The following PRKAG2 variants were observed in gnomAD, a reference collection of about 807,000 sequenced individuals.
PRKAG2 encodes the protein protein kinase AMP-activated non-catalytic subunit gamma 2, also known as 5'-AMP-activated protein kinase subunit gamma-2.
In PRKAG2, 26 loss-of-function variants were observed where a neutral mutation model predicts 69.6. That is an observed-to-expected ratio of 0.37 (90% CI 0.27 to 0.52). The LOEUF is 0.52. Ranked by LOEUF, PRKAG2 falls within the 20% of genes least tolerant of loss-of-function variation. The pLI, the probability that PRKAG2 is intolerant of heterozygous loss-of-function variation, is 0.90. For missense variants in PRKAG2, 557 were observed against 740.0 expected (o/e 0.75, Z 2.87); for synonymous variants, 293 against 285.0 (o/e 1.03, Z -0.28).
intron 5 of PRKAG2, among the ~76,000 whole-genome samples, chr7:151,611,304 G>A (rs1007690296): frequency 6.6e-6 from 1 of 152,154 alleles, no homozygotes; most frequent in Non-Finnish European, 1.5e-5. Flanking sequence ...CCCATTATGC[G>A]AAGATTTTGT....
chr7:151,605,936 C>CAAAAAAAAAAAAAAAAAAAAAAAAAA lies in PRKAG2; in HGVS notation c.755-10483_755-10482insTTTTTTTTTTTTTTTTTTTTTTTTTT, dbSNP rs560080587. 1.3e-4 allele frequency among the ~76,000 whole-genome samples: 12 copies of CAAAAAAAAAAAAAAAAAAAAAAAAAA among 91,048 alleles called. 1 individual carries two copies. Among genetic ancestry groups the CAAAAAAAAAAAAAAAAAAAAAAAAAA allele is most frequent in the African/African-American group, 3.9e-4 (10 of 25,880 alleles). The allele number at this position is 91,048 out of a possible 152,430, so 59.7% of individuals were successfully genotyped here. A position where few individuals can be genotyped will look rare whatever the true frequency, so the allele number is the denominator to read the frequency against. On this transcript the variant is annotated intron_variant, in intron 5 of 15. Transcript: ENST00000287878. ...CTGGCGACAGAGCGAGACTCCGTCT[C>CAAAAAAAAAAAAAAAAAAAAAAAAAA]AAAAAAAAAAAAAAAAAAAAGAATT...
intron 3 of PRKAG2, among the ~76,000 whole-genome samples, chr7:151,700,822 G>T (rs886314041): frequency 1.5e-4 from 23 of 152,160 alleles, no homozygotes; most frequent in African/African-American, 4.6e-4. Flanking sequence ...GGGGGAGCCT[G>T]GCCTTGTGCC....
At position 151,828,260 on chromosome 7, in the gene PRKAG2, T is replaced by C. The variant is rs901412194; in HGVS notation, c.115-41719A>G. 1.3e-5 allele frequency among the ~76,000 whole-genome samples: 2 copies of C among 152,208 alleles called. No homozygotes were observed. The highest frequency in any genetic ancestry group is 2.9e-5 in the Non-Finnish European group (2 of 68,030). ...AGATAGGTCCCTGGTCACAGTGGCA[T>C]TCTGGGGGTTTTCAGAGAGTCCTGT... On this transcript the variant is annotated intron_variant, in intron 1 of 15. Transcript: ENST00000287878. The surrounding 1 kb of genome is among the most constrained non-coding windows in gnomAD (Gnocchi z 4.6).
intron 1 of PRKAG2, among the ~76,000 whole-genome samples, chr7:151,787,912 A>C (rs1466771122): frequency 1.3e-5 from 2 of 152,164 alleles, no homozygotes; most frequent in Non-Finnish European, 2.9e-5. Context: ...CTACCAACCC[A>C]AAGAGAGGGG....
At chr7:151,806,731 G>A in intron 1 of PRKAG2, 2 of 315,212 alleles carry the variant, frequency 6.3e-6, no homozygotes, top group Non-Finnish European at 1.2e-5. Flanking sequence ...ACTTTGAGGT[G>A]GAGACGGGCA....
chr7:151,759,099 G>A (rs1224704795), intron 3 of PRKAG2, among the ~76,000 whole-genome samples: 3 of 152,022 alleles, frequency 2.0e-5, no homozygotes, highest in Non-Finnish European at 4.4e-5. Context: ...GCAAGGCCCC[G>A]CCCCACTCCC....
At chr7:151,694,631 T>C (rs145260630) in intron 3 of PRKAG2, among the ~76,000 whole-genome samples, 2 of 152,288 alleles carry the variant, frequency 1.3e-5, no homozygotes, top group African/African-American at 4.8e-5. Flanking sequence ...AGAATCTCCT[T>C]CCTTTTGAAG....
intron 1 of PRKAG2, among the ~76,000 whole-genome samples, chr7:151,815,924 G>A (rs1050357768): frequency 1.3e-5 from 2 of 152,182 alleles, no homozygotes; most frequent in African/African-American, 4.8e-5. Flanking sequence ...AAGAAAAGGA[G>A]GCTTCTTCCA....
rs10227185 is a variant in PRKAG2, at chr7:151,670,948, G to A, written c.684+4472C>T. Reference sequence around the variant, plus strand: ...AGCACTTTGGGAGGCCAAGGTGGGCGGATTCACCTGAGGTCAAGAGTTCAA... The same window carrying A: ...AGCACTTTGGGAGGCCAAGGTGGGCAGATTCACCTGAGGTCAAGAGTTCAA... On this transcript the variant is annotated intron_variant, in intron 4 of 15. Transcript: ENST00000287878. Among the ~76,000 whole-genome samples, 758 of 152,122 alleles carry A rather than the reference G, an allele frequency of 5.0e-3. 3 individuals carry two copies. The highest frequency in any genetic ancestry group is 0.017 in the African/African-American group (705 of 41,510).
At chr7:151,855,556 GCCACC>G (rs2151901392) in intron 1 of PRKAG2, among the ~76,000 whole-genome samples, 2 of 44,314 alleles carry the variant, frequency 4.5e-5, no homozygotes, top group East Asian at 1.7e-3. Context: ...TTACACACAC[GCCACC>G]CTCCACACAC....
In PRKAG2 at chr7:151,675,444, C is replaced by T. The variant is rs774279454; in HGVS notation, c.660G>A (p.Pro220=). The change falls in exon 4 of 16, where the codon CCG becomes CCA. Residue 220 remains proline (P), a synonymous_variant. Coordinates refer to ENST00000287878, the MANE Select transcript of PRKAG2 (RefSeq NM_016203.4). ...CGGCTTTGGAGGGAGCATAGTGTGT[C>T]GGTGATGCCAGTGGAGGCCTGGTCG... ...QSPTRPPLAS[P]THYAPSKAAA... 1.3e-5 allele frequency: 21 copies of T among 1,613,980 alleles called. No homozygotes were observed. Among genetic ancestry groups the T allele is most frequent in the Admixed American group, 5.0e-5 (3 of 60,004 alleles).
At chr7:151,831,045 C>T (rs2079015067) in intron 1 of PRKAG2, among the ~76,000 whole-genome samples, 1 of 151,992 alleles carries the variant, frequency 6.6e-6, no homozygotes, top group Non-Finnish European at 1.5e-5. Context: ...ACTTCACACC[C>T]ACTAGGACAG....
rs761721191 is a variant in PRKAG2 at position 151,574,934 on chromosome 7, G to A, written c.962C>T (p.Thr321Ile). 1 of 1,612,556 alleles carries A rather than the reference G, an allele frequency of 6.2e-7. No individual in the cohort carries two copies. The highest frequency in any genetic ancestry group is 8.5e-7 in the Non-Finnish European group (1 of 1,179,544). ...TCTATGTAGTATATTTATGAAATCT[G>A]TAATTGTTAGCATTCCTGGAACAAA... The part of the protein sequence containing the change: ...KQSFVGMLTI[T>I]DFINILHRYY... Residue 321 changes from threonine (T) to isoleucine (I), a missense_variant, in exon 8 of 16, where the codon ACA (threonine) becomes ATA (isoleucine). Physicochemically the swap from Thr to Ile is moderately conservative, Grantham distance 89. This residue lies in a region of PRKAG2 where 205 missense variants were observed against 383.4 expected (regional missense o/e 0.53). Coordinates refer to ENST00000287878, the MANE Select transcript of PRKAG2 (RefSeq NM_016203.4).
chr7:151,865,822 A>G (rs943920563), intron 1 of PRKAG2, among the ~76,000 whole-genome samples: 88 of 152,298 alleles, frequency 5.8e-4, no homozygotes, highest in African/African-American at 2.0e-3. Context: ...GATTGAGACC[A>G]TCCTGGCTAA....
chr7:151,759,710 T>C (rs375490796), intron 3 of PRKAG2, among the ~76,000 whole-genome samples: 200 of 152,252 alleles, frequency 1.3e-3, no homozygotes, highest in African/African-American at 4.4e-3. Context: ...ACTCAGCATG[T>C]GAGGCTATGT....
At chr7:151,736,481 T>A (rs1799834488) in intron 3 of PRKAG2, 1 of 861,260 alleles carries the variant, frequency 1.2e-6, no homozygotes, top group Non-Finnish European at 1.4e-6. Context: ...CAGCCGTGCA[T>A]GATGTCTCTT....
chr7:151,600,760 G>A (rs1299360228), intron 5 of PRKAG2, among the ~76,000 whole-genome samples: 6 of 152,018 alleles, frequency 3.9e-5, no homozygotes, highest in African/African-American at 1.5e-4. Context: ...TGCCTTAAAC[G>A]TCCTCCTCCT....
intron 1 of PRKAG2, among the ~76,000 whole-genome samples, chr7:151,862,879 T>A (rs1044384226): frequency 6.8e-6 from 1 of 146,836 alleles, no homozygotes; most frequent in Non-Finnish European, 1.5e-5. Context: ...CACTGGTAGG[T>A]CTCTGGGTGC....
intron 3 of PRKAG2, among the ~76,000 whole-genome samples, chr7:151,764,593 G>A (rs761157653): frequency 4.6e-5 from 7 of 152,216 alleles, no homozygotes; most frequent in African/African-American, 7.2e-5. Flanking sequence ...CCAGGACTGC[G>A]ATGGCTACAC....
Sources: allele counts gnomAD v4.1 joint callset (sites outside exome capture counted in the v4.1 genomes callset), GRCh38; gene constraint gnomAD v4.1.1; regional missense constraint gnomAD v4.1.1; non-coding constraint Gnocchi (gnomAD v3.1); transcripts MANE v1.5; gene names NCBI Gene and HGNC (gene_info 2026-07-23, HGNC 2026-07-21).